DISC1: variants seen among roughly 807,000 people sequenced by gnomAD.
DISC1 encodes the protein DISC1 scaffold protein, also known as disrupted in schizophrenia 1 protein.
DISC1 carries 57 observed loss-of-function variants against 84.5 expected under a neutral mutation model. The ratio of observed to expected loss-of-function variants is 0.67; its 90% CI spans 0.55 to 0.84. DISC1 has a LOEUF of 0.84. Ranked by LOEUF, DISC1 falls within the 40% of genes least tolerant of loss-of-function variation. DISC1 has a pLI of 0.00. For missense variants in DISC1, 1,000 were observed against 1,057.8 expected (o/e 0.95, Z 0.76); for synonymous variants, 411 against 415.2 (o/e 0.99, Z 0.12).
chr1:231,689,639 G>A (rs145426691), intron 1 of DISC1, among the ~76,000 whole-genome samples: 49 of 152,236 alleles, frequency 3.2e-4, no homozygotes, highest in African/African-American at 9.4e-4. Flanking sequence ...GAAAAAAACT[G>A]AGTATCATGT....
At chr1:231,751,881 T>C (rs2074636487) in intron 4 of DISC1, among the ~76,000 whole-genome samples, 1 of 152,254 alleles carries the variant, frequency 6.6e-6, no homozygotes, top group African/African-American at 2.4e-5. Context: ...AAATAACTCA[T>C]TTAATGTTCA....
At chr1:231,743,845 A>T (rs1255954099) in intron 3 of DISC1, among the ~76,000 whole-genome samples, 5 of 152,192 alleles carry the variant, frequency 3.3e-5, no homozygotes, top group African/African-American at 1.2e-4. Flanking sequence ...AATGCATATG[A>T]CAAGTTTATG....
intron 9 of DISC1, among the ~76,000 whole-genome samples, chr1:231,835,592 G>A (rs1390860381): frequency 6.6e-6 from 1 of 152,226 alleles, no homozygotes; most frequent in East Asian, 1.9e-4. Context: ...CCATCTGGAT[G>A]TGTACTTGCA....
At chr1:231,820,548 A>C (rs1048836179) in intron 9 of DISC1, among the ~76,000 whole-genome samples, 1 of 152,216 alleles carries the variant, frequency 6.6e-6, no homozygotes, top group Non-Finnish European at 1.5e-5. Flanking sequence ...TGCAGCGTTC[A>C]GGGGAAAAAG....
At chr1:231,683,204 C>T (rs73115121) in intron 1 of DISC1, among the ~76,000 whole-genome samples, 1 of 152,162 alleles carries the variant, frequency 6.6e-6, no homozygotes, top group Non-Finnish European at 1.5e-5. Context: ...GCAACAACCT[C>T]TCTAGCATCA....
At chr1:231,766,633 A>C (rs1337760539) in intron 4 of DISC1, among the ~76,000 whole-genome samples, 1 of 152,232 alleles carries the variant, frequency 6.6e-6, no homozygotes, top group Non-Finnish European at 1.5e-5. Context: ...GTGAGTGTGA[A>C]TTCAATACTC....
At chr1:231,639,866 G>C (rs1288092214) in intron 1 of DISC1, among the ~76,000 whole-genome samples, 1 of 152,206 alleles carries the variant, frequency 6.6e-6, no homozygotes, top group Non-Finnish European at 1.5e-5. Context: ...GTGATCTGTG[G>C]CTCCCTCCTG....
At position 231,698,697 on chromosome 1, in the gene DISC1, T is replaced by G. The variant is rs2066016916; in HGVS notation, c.1048-3258T>G. ...TTTTTCCTGACCTTGTTTCCTGCATTTCTTCAGCTTCTGTTCTAATAAATG... is the reference window on the plus strand; with the variant it reads ...TTTTTCCTGACCTTGTTTCCTGCATGTCTTCAGCTTCTGTTCTAATAAATG... On this transcript the variant is annotated intron_variant, in intron 2 of 12. Transcript: ENST00000439617. The surrounding 1 kb of genome is among the most constrained non-coding windows in gnomAD (Gnocchi z 4.9). Among the ~76,000 whole-genome samples, 2 of 152,176 alleles carry G rather than the reference T, an allele frequency of 1.3e-5. No homozygotes were observed. The highest frequency in any genetic ancestry group is 2.9e-5 in the Non-Finnish European group (2 of 68,030).
chr1:231,682,980 G>A (rs2063837680), intron 1 of DISC1, among the ~76,000 whole-genome samples: 1 of 152,224 alleles, frequency 6.6e-6, no homozygotes, highest in South Asian at 2.1e-4. Flanking sequence ...TGAAGAAAGT[G>A]AGACGCTGGT....
At chr1:232,000,514 G>A (rs1355358040) in intron 10 of DISC1, among the ~76,000 whole-genome samples, 1 of 152,100 alleles carries the variant, frequency 6.6e-6, no homozygotes, top group African/African-American at 2.4e-5. Flanking sequence ...AGGAGAGTGA[G>A]GCTAAAGAAT....
At chr1:231,721,181 T>C in intron 3 of DISC1, 3 of 1,100,930 alleles carry the variant, frequency 2.7e-6, no homozygotes, top group South Asian at 1.5e-5. Context: ...ATAATACATA[T>C]AAAAACTGTG....
intron 9 of DISC1, among the ~76,000 whole-genome samples, chr1:231,843,270 C>T (rs558144030): frequency 4.6e-5 from 7 of 152,032 alleles, no homozygotes; most frequent in Admixed American, 1.3e-4. Flanking sequence ...TTATGGGGAC[C>T]GCAAGAAGTT....
At chr1:231,853,900 T>C (rs560884974) in intron 9 of DISC1, among the ~76,000 whole-genome samples, 5 of 152,226 alleles carry the variant, frequency 3.3e-5, no homozygotes, top group Non-Finnish European at 5.9e-5. Context: ...GTGGCCCTAA[T>C]GAGACTGGAA....
chr1:231,770,240 A>G (rs1174615631), intron 5 of DISC1, among the ~76,000 whole-genome samples: 1 of 151,888 alleles, frequency 6.6e-6, no homozygotes, highest in Non-Finnish European at 1.5e-5. Context: ...ATATTAAATG[A>G]TATTTTATGG....
chr1:231,866,751 A>G (rs2085091040), intron 9 of DISC1: 1 of 1,314,262 alleles, frequency 7.6e-7, no homozygotes, highest in Admixed American at 3.3e-5. Flanking sequence ...CTTTGTATGG[A>G]TTCTTCTTTC....
chr1:231,903,288 C>A (rs546655716), intron 9 of DISC1, among the ~76,000 whole-genome samples: 25 of 152,178 alleles, frequency 1.6e-4, no homozygotes, highest in Non-Finnish European at 2.4e-4. Context: ...TCCAGTATGA[C>A]CTCCTCTTAA....
intron 11 of DISC1, among the ~76,000 whole-genome samples, chr1:232,021,375 A>C (rs559240918): frequency 8.9e-5 from 12 of 135,282 alleles, no homozygotes; most frequent in East Asian, 6.3e-4. Flanking sequence ...CACACACACA[A>C]CCCTCAGAAT....
chr1:231,994,862 C>T (rs843979), intron 10 of DISC1, among the ~76,000 whole-genome samples: 1 of 151,952 alleles, frequency 6.6e-6, no homozygotes, highest in Non-Finnish European at 1.5e-5. Context: ...TTCTAACTAA[C>T]AATCCAGGGA....
intron 1 of DISC1, among the ~76,000 whole-genome samples, chr1:231,654,105 C>G (rs1039381700): frequency 2.6e-5 from 4 of 152,174 alleles, no homozygotes; most frequent in African/African-American, 9.7e-5. Flanking sequence ...CTGGCAAGTT[C>G]CTTCTTGCAC....
Sources: gnomAD v4.1 joint callset for allele counts (sites outside exome capture counted in the v4.1 genomes callset) on GRCh38, gnomAD v4.1.1 for gene constraint, Gnocchi (gnomAD v3.1) non-coding constraint, MANE v1.5 for transcripts, NCBI Gene and HGNC (gene_info 2026-07-23, HGNC 2026-07-21) for gene names.